The following KIAA1328 variants were observed in gnomAD, a reference collection of about 807,000 sequenced individuals.
KIAA1328 encodes KIAA1328.
A neutral mutation model predicts 68.1 loss-of-function variants in KIAA1328; 52 were observed. The ratio of observed to expected loss-of-function variants is 0.76; its 90% confidence interval spans 0.61 to 0.96. The LOEUF is 0.96. KIAA1328 is among the 40% of genes least tolerant of loss of function. The pLI is 0.00. For synonymous variants in KIAA1328, 232 were observed against 239.4 expected (o/e 0.97, Z 0.28); for missense variants, 641 against 677.6 (o/e 0.95, Z 0.60).
intron 4 of KIAA1328, among the ~76,000 whole-genome samples, chr18:36,871,539 G>T (rs1405911361): frequency 6.6e-6 from 1 of 151,940 alleles, no homozygotes; most frequent in Non-Finnish European, 1.5e-5. Flanking sequence ...TGCTAAAATT[G>T]TTCCAGCCTT....
At chr18:36,941,373 C>A in intron 5 of KIAA1328, among the ~76,000 whole-genome samples, 1 of 151,882 alleles carries the variant, frequency 6.6e-6, no homozygotes, top group Admixed American at 6.6e-5. Context: ...GGTGGACTGC[C>A]GACTTGAGAT....
rs1478533553 is a variant in KIAA1328, at chr18:37,222,899, A to C, written c.*672A>C. 1.4e-5 allele frequency: 14 copies of C among 986,750 alleles called. No individual in the cohort carries two copies. The highest frequency in any genetic ancestry group is 1.7e-5 in the African/African-American group (1 of 57,240). 61.1% of individuals were successfully genotyped at this position (986,750 alleles called of 1,614,324 possible). On this transcript the variant is annotated 3_prime_UTR_variant, in exon 10 of 10. Transcript: ENST00000280020. ...GGAGCAAGCAGCACTAAATCACATCAGGGAGTGATTAGTCCTGGGGAAATT... is the reference window on the plus strand; with the variant it reads ...GGAGCAAGCAGCACTAAATCACATCCGGGAGTGATTAGTCCTGGGGAAATT...
chr18:36,928,111 GT>G (rs199773168), intron 5 of KIAA1328, among the ~76,000 whole-genome samples: 2 of 151,880 alleles, frequency 1.3e-5, no homozygotes, highest in Non-Finnish European at 2.9e-5. Context: ...GGTAGTTTCT[GT>G]TTTTTTTATT....
intron 1 of KIAA1328, among the ~76,000 whole-genome samples, chr18:36,830,014 AG>A (rs2046410639): frequency 6.6e-6 from 1 of 152,132 alleles, no homozygotes. Flanking sequence ...CGTTCCTTAG[AG>A]GGGTTACTTG....
chr18:37,082,392 A>C (rs2056978246), intron 7 of KIAA1328, among the ~76,000 whole-genome samples: 1 of 151,964 alleles, frequency 6.6e-6, no homozygotes, highest in Admixed American at 6.6e-5. Context: ...GGCTGGTCTC[A>C]AACTCCTTAC....
At chr18:37,039,466 G>T (rs1273854745) in intron 6 of KIAA1328, among the ~76,000 whole-genome samples, 1 of 151,488 alleles carries the variant, frequency 6.6e-6, no homozygotes, top group African/African-American at 2.4e-5. Flanking sequence ...AGGCTGGAGT[G>T]CAGTGGCGCA....
intron 4 of KIAA1328, among the ~76,000 whole-genome samples, chr18:36,857,726 G>A (rs2047431001): frequency 6.6e-6 from 1 of 152,198 alleles, no homozygotes. Context: ...CTTCAGTGAA[G>A]AGAAATTTTT....
intron 7 of KIAA1328, among the ~76,000 whole-genome samples, chr18:37,093,415 T>C (rs1036293232): frequency 6.6e-6 from 1 of 152,114 alleles, no homozygotes; most frequent in African/African-American, 2.4e-5. Flanking sequence ...AAACAACTGA[T>C]GATATGAGTG....
intron 5 of KIAA1328, among the ~76,000 whole-genome samples, chr18:36,925,596 G>A (rs1437771059): frequency 6.6e-6 from 1 of 150,948 alleles, no homozygotes; most frequent in Non-Finnish European, 1.5e-5. Flanking sequence ...GAGTGCAGTG[G>A]TGCCATCAAT....
At chr18:36,940,320 A>C (rs1207681361) in intron 5 of KIAA1328, among the ~76,000 whole-genome samples, 1 of 152,210 alleles carries the variant, frequency 6.6e-6, no homozygotes, top group African/African-American at 2.4e-5. Flanking sequence ...AGGATTTTGC[A>C]TGTCTTAGAA....
chr18:36,915,565 A>G (rs1378761304), intron 5 of KIAA1328, among the ~76,000 whole-genome samples: 1 of 152,218 alleles, frequency 6.6e-6, no homozygotes, highest in East Asian at 1.9e-4. Flanking sequence ...TAAACACATG[A>G]AAACATGTCC....
chr18:37,101,392 C>T (rs1321056753), intron 7 of KIAA1328, among the ~76,000 whole-genome samples: 1 of 152,034 alleles, frequency 6.6e-6, no homozygotes, highest in African/African-American at 2.4e-5. Flanking sequence ...GTAGCCGATT[C>T]GATCAACTGG....
chr18:37,111,443 G>A (rs939027273), intron 7 of KIAA1328, among the ~76,000 whole-genome samples: 11 of 152,184 alleles, frequency 7.2e-5, no homozygotes, highest in Non-Finnish European at 1.5e-4. Flanking sequence ...GTCCAGCCAA[G>A]TTGACACATA....
chr18:37,198,711 G>T (rs1330468080), intron 9 of KIAA1328, among the ~76,000 whole-genome samples: 1 of 152,206 alleles, frequency 6.6e-6, no homozygotes, highest in Non-Finnish European at 1.5e-5. Context: ...AGGAAGAAAT[G>T]ATGAGTGCCA....
At chr18:36,968,970 C>G (rs563147730) in intron 6 of KIAA1328, among the ~76,000 whole-genome samples, 2 of 152,220 alleles carry the variant, frequency 1.3e-5, no homozygotes, top group South Asian at 4.1e-4. Flanking sequence ...AAATAGAATT[C>G]AAGACCAAGA....
At chr18:36,831,085 A>T (rs977647972) in intron 1 of KIAA1328, among the ~76,000 whole-genome samples, 7 of 152,242 alleles carry the variant, frequency 4.6e-5, no homozygotes, top group Non-Finnish European at 7.3e-5. Context: ...TTCCTTTGTC[A>T]TATTGATTAT....
chr18:36,965,596 C>T, intron 6 of KIAA1328, among the ~76,000 whole-genome samples: 2 of 148,690 alleles, frequency 1.3e-5, no homozygotes. Flanking sequence ...GTCTCAGACT[C>T]CTGACCTCAG....
chr18:36,947,437 A>T (rs974210742), intron 5 of KIAA1328, among the ~76,000 whole-genome samples: 1 of 152,184 alleles, frequency 6.6e-6, no homozygotes, highest in Non-Finnish European at 1.5e-5. Flanking sequence ...ACATTGATTC[A>T]GTCTGGAAAG....
At chr18:36,939,632 A>G (rs1293239831) in intron 5 of KIAA1328, among the ~76,000 whole-genome samples, 1 of 152,146 alleles carries the variant, frequency 6.6e-6, no homozygotes, top group Non-Finnish European at 1.5e-5. Flanking sequence ...ACTACGTTGA[A>G]TAAAAGTGGT....
Sources: gnomAD v4.1 joint callset for allele counts (sites outside exome capture counted in the v4.1 genomes callset) on GRCh38, gnomAD v4.1.1 for gene constraint, MANE v1.5 for transcripts, NCBI Gene and HGNC (gene_info 2026-07-23, HGNC 2026-07-21) for gene names.